Variants in TGFBR1 observed in about 807,000 individuals in gnomAD.
TGFBR1 encodes TGF-beta receptor type-1.
In TGFBR1, 20 loss-of-function variants were observed where a neutral mutation model predicts 55.1. The observed-to-expected ratio is 0.36, with a 90% CI of 0.26 to 0.53. The LOEUF (loss-of-function observed/expected upper bound fraction) is 0.53, where lower values mean the gene tolerates loss of function less well. Among genes scored for constraint, TGFBR1 ranks in the 20% least tolerant of loss-of-function variants. The pLI, the probability that TGFBR1 is intolerant of heterozygous loss-of-function variation, is 0.91. For missense variants in TGFBR1, 385 were observed against 617.6 expected (o/e 0.62, Z 3.99); for synonymous variants, 220 against 214.8 (o/e 1.02, Z -0.21).
intron 4 of TGFBR1, among the ~76,000 whole-genome samples, chr9:99,142,163 T>G (rs1827633611): frequency 6.6e-6 from 1 of 152,190 alleles, no homozygotes; most frequent in Non-Finnish European, 1.5e-5. Flanking sequence ...TTCCTTTTTT[T>G]TAACCTTCTC....
chr9:99,115,511 T>A (rs1396294874), intron 1 of TGFBR1, among the ~76,000 whole-genome samples: 1 of 152,248 alleles, frequency 6.6e-6, no homozygotes, highest in East Asian at 1.9e-4. Context: ...TTGGGAGCAC[T>A]GAACATGGAG....
chr9:99,121,348 A>T (rs990157294), intron 1 of TGFBR1, among the ~76,000 whole-genome samples: 1 of 152,178 alleles, frequency 6.6e-6, no homozygotes, highest in East Asian at 1.9e-4. Flanking sequence ...GCTGGAGGGA[A>T]TTGGAGGTCA....
At chr9:99,104,890 C>G (rs1174643895), upstream of TGFBR1, among the ~76,000 whole-genome samples, 1 of 150,440 alleles carries the variant, frequency 6.6e-6, no homozygotes, top group Non-Finnish European at 1.5e-5. Context: ...CCGATCGGGC[C>G]GGGGCTGGGG....
At chr9:99,137,228 A>G (rs1827464829) in intron 3 of TGFBR1, among the ~76,000 whole-genome samples, 1 of 152,144 alleles carries the variant, frequency 6.6e-6, no homozygotes, top group African/African-American at 2.4e-5. Context: ...GGTGATTTTT[A>G]CTGACTTATC....
chr9:99,128,200 G>GGT (rs2118552519), intron 1 of TGFBR1, among the ~76,000 whole-genome samples: 1 of 152,276 alleles, frequency 6.6e-6, no homozygotes, highest in Admixed American at 6.5e-5. Flanking sequence ...TCTGTAGTTA[G>GGT]GTTGCCTATG....
intron 1 of TGFBR1, chr9:99,128,582 CA>C (rs1386235460): frequency 1.0e-5 from 5 of 488,448 alleles, no homozygotes; most frequent in African/African-American, 1.0e-4. Flanking sequence ...TTGAACATAA[CA>C]AAATTTTTCT....
intron 1 of TGFBR1, among the ~76,000 whole-genome samples, chr9:99,115,994 A>C (rs1327487092): frequency 6.6e-6 from 1 of 152,150 alleles, no homozygotes; most frequent in East Asian, 1.9e-4. Flanking sequence ...AGCATTGTAG[A>C]TTACTTTCCT....
chr9:99,105,148 G>T lies in TGFBR1; in HGVS notation c.-58G>T, dbSNP rs1358177031. 9.3e-7 allele frequency: 1 copy of T among 1,079,484 alleles called. No individual in the cohort carries two copies. The highest frequency in any genetic ancestry group is 4.4e-5 in the South Asian group (1 of 22,924). 66.9% of individuals were successfully genotyped at this position (1,079,484 alleles called of 1,614,324 possible). A position where few individuals can be genotyped will look rare whatever the true frequency, so the allele number is the denominator to read the frequency against. ...GAGGTGGGGCGAGGCGAGGTTTGCTGGGGTGAGGCAGCGGCGCGGCCGGGC... is the reference window on the plus strand; with the variant it reads ...GAGGTGGGGCGAGGCGAGGTTTGCTTGGGTGAGGCAGCGGCGCGGCCGGGC... On this transcript the variant is annotated 5_prime_UTR_variant, in exon 1 of 9. Coordinates refer to ENST00000374994, the MANE Select transcript of TGFBR1 (RefSeq NM_004612.4).
At chr9:99,107,660 A>C (rs1464367435) in intron 1 of TGFBR1, among the ~76,000 whole-genome samples, 3 of 152,118 alleles carry the variant, frequency 2.0e-5, no homozygotes, top group African/African-American at 7.2e-5. Context: ...CTGCCAAACT[A>C]ATCTTCCTCA....
intron 3 of TGFBR1, among the ~76,000 whole-genome samples, chr9:99,135,706 C>G (rs968695395): frequency 2.6e-5 from 4 of 152,120 alleles, no homozygotes; most frequent in African/African-American, 9.7e-5. Flanking sequence ...GTCTTATTTC[C>G]TGTTCACTGC....
rs1054467953 is a variant in TGFBR1, at chr9:99,150,216, C to T, written c.*911C>T. On this transcript the variant is annotated 3_prime_UTR_variant, in exon 9 of 9. Transcript: ENST00000374994. ...TAGCATGGTCATGTTTGAATATTCT[C>T]ACATCAAGCTTTTGCATTTTAATTG... is the stretch of plus-strand genomic sequence containing the variant. 1.6e-5 allele frequency: 3 copies of T among 191,082 alleles called. No homozygotes were observed. The highest frequency in any genetic ancestry group is 3.3e-5 in the Non-Finnish European group (3 of 90,874). The allele number at this position is 191,082 out of a possible 1,614,324, so 11.8% of individuals were successfully genotyped here.
chr9:99,113,406 A>T (rs1245589549), intron 1 of TGFBR1, among the ~76,000 whole-genome samples: 2 of 152,164 alleles, frequency 1.3e-5, no homozygotes, highest in Admixed American at 6.5e-5. Flanking sequence ...TCCCTAGACC[A>T]TCTCTCTTTT....
At chr9:99,103,846 G>T (rs1826329889), upstream of TGFBR1, among the ~76,000 whole-genome samples, 1 of 152,188 alleles carries the variant, frequency 6.6e-6, no homozygotes, top group Non-Finnish European at 1.5e-5. Flanking sequence ...CTTCACAGGT[G>T]GGGAAAATGC....
At chr9:99,118,498 T>A (rs1826811219) in intron 1 of TGFBR1, among the ~76,000 whole-genome samples, 1 of 152,226 alleles carries the variant, frequency 6.6e-6, no homozygotes, top group African/African-American at 2.4e-5. Flanking sequence ...TGCAATTTAC[T>A]GAAATTTTTA....
At position 99,150,544 on chromosome 9, in the gene TGFBR1, T is replaced by C. The variant is rs199740407; in HGVS notation, c.*1239T>C. 1.9e-5 allele frequency: 4 copies of C among 215,598 alleles called. No individual in the cohort carries two copies. Among genetic ancestry groups the C allele is most frequent in the Non-Finnish European group, 3.7e-5 (4 of 106,706 alleles). 13.4% of individuals were successfully genotyped at this position (215,598 alleles called of 1,614,324 possible). On this transcript the variant is annotated 3_prime_UTR_variant, in exon 9 of 9. Transcript: ENST00000374994. ...ATGTGCAAGAAAGTCACATTTGTTA[T>C]GTATGTAGGAGTAAACGTTCGGTGG...
Position 99,151,424 on chromosome 9 carries a change from G to C in TGFBR1, c.*2119G>C, listed in dbSNP as rs1827978353. 4.5e-6 allele frequency: 1 copy of C among 221,952 alleles called. No homozygotes were observed. Among genetic ancestry groups the C allele is most frequent in the Non-Finnish European group, 8.8e-6 (1 of 114,046 alleles). 13.7% of individuals were successfully genotyped at this position (221,952 alleles called of 1,614,324 possible). On this transcript the variant is annotated 3_prime_UTR_variant, in exon 9 of 9. Coordinates refer to ENST00000374994, the MANE Select transcript of TGFBR1 (RefSeq NM_004612.4). ...TTTTTTTTTTTTGTTGTTGTTTTTG[G>C]GCCATTTCTAAGCCTACCAGATCTG...
chr9:99,130,811 A>G (rs547047689), intron 2 of TGFBR1, among the ~76,000 whole-genome samples: 74 of 152,356 alleles, frequency 4.9e-4, no homozygotes, highest in Middle Eastern at 3.4e-3. Flanking sequence ...TCAGTTATTC[A>G]CTATGAAATG....
rs185423552 is a variant in TGFBR1, at chr9:99,117,415, A to C, written c.98-11440A>C. ...GCCCGGCCTTCAATTTTTTGCTTTA[A>C]GTTAGAATCCTGTTTGCTTACTTTT... On this transcript the variant is annotated intron_variant, in intron 1 of 8. Transcript: ENST00000374994. Among the ~76,000 whole-genome samples, 367 of 152,152 alleles carry C rather than the reference A, an allele frequency of 2.4e-3. 1 individual carries two copies. Among genetic ancestry groups the C allele is most frequent in the African/African-American group, 8.0e-3 (333 of 41,510 alleles).
upstream of TGFBR1, among the ~76,000 whole-genome samples, chr9:99,104,619 T>C (rs1261073635): frequency 1.3e-5 from 2 of 151,886 alleles, no homozygotes; most frequent in African/African-American, 2.4e-5. Flanking sequence ...TGCAGGGGCC[T>C]GGCGCTGCAG....
Sources: gnomAD v4.1 joint callset for allele counts (sites outside exome capture counted in the v4.1 genomes callset) on GRCh38, gnomAD v4.1.1 for gene constraint, MANE v1.5 for transcripts, NCBI Gene and HGNC (gene_info 2026-07-23, HGNC 2026-07-21) for gene names.